RALGPS1: variants seen among roughly 807,000 people sequenced by gnomAD.
The protein encoded by RALGPS1 is ras-specific guanine nucleotide-releasing factor RalGPS1.
Under a neutral mutation model 78.8 loss-of-function variants are expected in RALGPS1, and 19 were observed. The ratio of observed to expected loss-of-function variants is 0.24; its 90% CI spans 0.17 to 0.35. The LOEUF is 0.35. Among genes scored for constraint, RALGPS1 ranks in the 10% least tolerant of loss-of-function variants. The pLI is 1.00. For synonymous variants in RALGPS1, 228 were observed against 256.3 expected (o/e 0.89, Z 1.06); for missense variants, 454 against 688.3 (o/e 0.66, Z 3.81).
intron 7 of RALGPS1, among the ~76,000 whole-genome samples, chr9:127,061,049 T>G (rs1268380669): frequency 1.3e-5 from 2 of 152,164 alleles, no homozygotes; most frequent in African/African-American, 4.8e-5. Context: ...TCCTCGTGAG[T>G]GTTTCTGAGA....
At chr9:127,148,034 G>A (rs564452022) in intron 8 of RALGPS1, among the ~76,000 whole-genome samples, 1 of 152,336 alleles carries the variant, frequency 6.6e-6, no homozygotes, top group Non-Finnish European at 1.5e-5. Context: ...TCCTCAGTAG[G>A]TATAAAACCC....
chr9:127,111,955 A>G (rs2054858644), intron 8 of RALGPS1, among the ~76,000 whole-genome samples: 1 of 152,254 alleles, frequency 6.6e-6, no homozygotes, highest in Admixed American at 6.5e-5. Context: ...TAAAATAACA[A>G]GTATGACACA....
intron 8 of RALGPS1, among the ~76,000 whole-genome samples, chr9:127,141,384 A>G (rs1481231521): frequency 6.6e-6 from 1 of 152,122 alleles, no homozygotes; most frequent in African/African-American, 2.4e-5. Context: ...CCTCCAGCCA[A>G]CAGTAACGCA....
chr9:127,143,993 G>A (rs1474294967), intron 8 of RALGPS1, among the ~76,000 whole-genome samples: 3 of 152,212 alleles, frequency 2.0e-5, no homozygotes, highest in Non-Finnish European at 4.4e-5. Context: ...CTGTGGGAGG[G>A]GGGCAGCCTG....
intron 8 of RALGPS1, among the ~76,000 whole-genome samples, chr9:127,102,063 G>A (rs1174312807): frequency 4.6e-5 from 7 of 152,074 alleles, no homozygotes; most frequent in Non-Finnish European, 5.9e-5. Context: ...GTGGTGATGC[G>A]GGGATAGTAG....
At chr9:127,149,628 G>A (rs2058306047) in intron 8 of RALGPS1, among the ~76,000 whole-genome samples, 1 of 152,204 alleles carries the variant, frequency 6.6e-6, no homozygotes, top group Non-Finnish European at 1.5e-5. Context: ...AGAGAGTGGG[G>A]ACCACACAAC....
intron 1 of RALGPS1, among the ~76,000 whole-genome samples, chr9:126,920,023 T>C (rs1191415308): frequency 1.3e-5 from 2 of 152,162 alleles, no homozygotes; most frequent in East Asian, 3.8e-4. Flanking sequence ...CCCTTGACTT[T>C]CATTCTGTGT....
At chr9:127,088,337 A>G (rs537992120) in intron 8 of RALGPS1, 45 of 152,620 alleles carry the variant, frequency 2.9e-4, no homozygotes, top group African/African-American at 1.0e-3. Context: ...AGCATTGTAG[A>G]CATTCTGGAA....
rs544224812 is a variant in RALGPS1 at position 127,200,879 on chromosome 9, G to A, written c.1247+1813G>A. On this transcript the variant is annotated intron_variant, in intron 14 of 18. Transcript: ENST00000259351. ...AATGGCAAACAGAGGCACAGATCCTGAATAGCAGCTAGACCTGGACCTGTT... is the reference window on the plus strand; with the variant it reads ...AATGGCAAACAGAGGCACAGATCCTAAATAGCAGCTAGACCTGGACCTGTT... Among the ~76,000 whole-genome samples, 4 of 152,372 alleles carry A rather than the reference G, an allele frequency of 2.6e-5. No homozygotes were observed. In the East Asian group the frequency reaches 7.7e-4, roughly 29 times the overall value.
At chr9:127,014,252 A>G (rs1453031337) in intron 4 of RALGPS1, among the ~76,000 whole-genome samples, 1 of 152,236 alleles carries the variant, frequency 6.6e-6, no homozygotes, top group Non-Finnish European at 1.5e-5. Context: ...TCATACTTTT[A>G]AGTATCCCTG....
Position 127,166,180 on chromosome 9 carries a change from C to T in RALGPS1, c.722C>T (p.Ala241Val). The T allele has an allele frequency of 6.2e-7, 1 of 1,613,538 alleles. No homozygotes were observed. The highest frequency in any genetic ancestry group is 8.5e-7 in the Non-Finnish European group (1 of 1,179,888). Residue 241 changes from alanine to valine, a missense_variant, in exon 9 of 19, where the codon GCT becomes GTT. By Grantham distance (64) the Ala-to-Val change is moderately conservative. Coordinates refer to ENST00000259351, the MANE Select transcript of RALGPS1 (RefSeq NM_014636.3). ...ATGAACAATATTCTTCGAATAATTG[C>T]TGATTTACAAGTTTCCTGCAGCTAT... Reference protein sequence around the residue: ...NQMNNILRIIADLQVSCSYDH... With the variant: ...NQMNNILRIIVDLQVSCSYDH...
chr9:126,914,832 C>G lies in RALGPS1; in HGVS notation c.-209C>G, dbSNP rs972518580. ...TGCGGCTGGGCACCGGCTCCGCTCC[C>G]GCGTCTGCCCGCGCTCCAGCTGCGC... On this transcript the variant is annotated 5_prime_UTR_variant, in exon 1 of 19. Transcript: ENST00000259351. The G allele has an allele frequency of 9.2e-5, 14 of 152,198 alleles. No homozygotes were observed. The highest frequency in any genetic ancestry group is 1.5e-5 in the Non-Finnish European group (1 of 68,066). The allele number at this position is 152,198 out of a possible 1,614,324, so 9.4% of individuals were successfully genotyped here.
At chr9:127,169,848 A>C (rs1381420354) in intron 10 of RALGPS1, among the ~76,000 whole-genome samples, 1 of 152,096 alleles carries the variant, frequency 6.6e-6, no homozygotes, top group East Asian at 1.9e-4. Flanking sequence ...AAGCTCTTAT[A>C]AGTGTTCTGG....
At chr9:127,100,912 A>G (rs1196290946) in intron 8 of RALGPS1, among the ~76,000 whole-genome samples, 2 of 152,170 alleles carry the variant, frequency 1.3e-5, no homozygotes, top group Non-Finnish European at 2.9e-5. Flanking sequence ...ACTCTTTTCT[A>G]TAATTTTACT....
chr9:127,154,760 C>G (rs2058618702), intron 8 of RALGPS1, among the ~76,000 whole-genome samples: 1 of 152,112 alleles, frequency 6.6e-6, no homozygotes, highest in African/African-American at 2.4e-5. Flanking sequence ...GTCACAGATA[C>G]GCGAGTGCAT....
Position 127,154,845 on chromosome 9 carries a change from C to T in RALGPS1, c.611-11224C>T, listed in dbSNP as rs370059518. ...CACTCTCTGGCCGGGATCCTGGTGG[C>T]CTCGGACGTTTGGGGAGCCTTTCTG... On this transcript the variant is annotated intron_variant, in intron 8 of 18. Transcript: ENST00000259351. Among the ~76,000 whole-genome samples, 13 of 152,288 alleles carry T rather than the reference C, an allele frequency of 8.5e-5. No homozygotes were observed. In the South Asian group the frequency reaches 2.7e-3, roughly 32 times the overall value.
chr9:127,110,073 C>T (rs751133511), intron 8 of RALGPS1, among the ~76,000 whole-genome samples: 1 of 152,208 alleles, frequency 6.6e-6, no homozygotes, highest in Admixed American at 6.5e-5. Context: ...CCCTCTGCAG[C>T]TCTTGTTGCA....
intron 4 of RALGPS1, among the ~76,000 whole-genome samples, chr9:127,012,853 T>A (rs1429406562): frequency 6.6e-6 from 1 of 152,212 alleles, no homozygotes; most frequent in African/African-American, 2.4e-5. Flanking sequence ...CAGCACCTAT[T>A]GACCAGGCAC....
chr9:127,088,909 G>A (rs767531117), intron 8 of RALGPS1: 1 of 1,613,374 alleles, frequency 6.2e-7, no homozygotes, highest in Non-Finnish European at 8.5e-7. Flanking sequence ...TCCTGGCAAT[G>A]GCCACGAGAG....
Sources: allele counts gnomAD v4.1 joint callset (sites outside exome capture counted in the v4.1 genomes callset), GRCh38; gene constraint gnomAD v4.1.1; transcripts MANE v1.5; gene names NCBI Gene and HGNC (gene_info 2026-07-23, HGNC 2026-07-21).